The following ARID1B variants were observed in gnomAD, a reference collection of about 807,000 sequenced individuals.
The protein encoded by ARID1B is AT-rich interactive domain-containing protein 1B.
A neutral mutation model predicts 212.3 loss-of-function variants in ARID1B; 30 were observed. That is an observed-to-expected ratio of 0.14 (90% CI 0.11 to 0.19). The LOEUF is 0.19. Among genes scored for constraint, ARID1B ranks in the 10% least tolerant of loss-of-function variants. ARID1B has a pLI of 1.00. For missense variants in ARID1B, 2,891 were observed against 3,204.0 expected (o/e 0.90, Z 2.36); for synonymous variants, 1,402 against 1,301.7 (o/e 1.08, Z -1.66).
At chr6:156,815,796 ATCTT>A (rs1692766414) in intron 1 of ARID1B, among the ~76,000 whole-genome samples, 1 of 152,170 alleles carries the variant, frequency 6.6e-6, no homozygotes, top group African/African-American at 2.4e-5. Flanking sequence ...AGCTCTATCT[ATCTT>A]TATATTAGTG....
intron 7 of ARID1B, among the ~76,000 whole-genome samples, chr6:157,136,642 A>G (rs552492816): frequency 1.9e-3 from 288 of 152,306 alleles, no homozygotes; most frequent in African/African-American, 6.4e-3. Context: ...CGGGTGGATC[A>G]CTTGAGGTCA....
chr6:156,974,780 G>T (rs907259121), intron 4 of ARID1B, among the ~76,000 whole-genome samples: 2 of 152,184 alleles, frequency 1.3e-5, no homozygotes, highest in African/African-American at 4.8e-5. Context: ...TTACTTTCAA[G>T]TTCCATTACA....
At chr6:156,888,528 G>A (rs746788008) in intron 2 of ARID1B, among the ~76,000 whole-genome samples, 17 of 152,088 alleles carry the variant, frequency 1.1e-4, no homozygotes, top group Non-Finnish European at 1.9e-4. Flanking sequence ...TGACATTCAC[G>A]AATTCAAAAT....
chr6:157,148,969 A>C lies in ARID1B; in HGVS notation c.3089+18A>C. 1 of 1,601,600 alleles carries C rather than the reference A, an allele frequency of 6.2e-7. No individual in the cohort carries two copies. Among genetic ancestry groups the C allele is most frequent in the South Asian group, 1.1e-5 (1 of 90,302 alleles). On this transcript the variant is annotated intron_variant, in intron 8 of 19. Transcript: ENST00000636930. This position sits in a 1 kb window ranked among gnomAD's most constrained non-coding sequence, Gnocchi z 5.6. ...CAAAGCAGGTACGCCACCCAGGAGC[A>C]CGCCCCGGGCAGGTACGCTGTGTGT... is the stretch of plus-strand genomic sequence containing the variant.
chr6:156,788,846 T>C (rs1779827487), intron 1 of ARID1B, among the ~76,000 whole-genome samples: 1 of 152,178 alleles, frequency 6.6e-6, no homozygotes, highest in Non-Finnish European at 1.5e-5. Context: ...GGACAAAATG[T>C]AATTCTATTA....
intron 4 of ARID1B, chr6:156,941,813 T>A (rs1792695150): frequency 6.6e-6 from 1 of 152,174 alleles, no homozygotes; most frequent in South Asian, 2.1e-4. Flanking sequence ...ACAGGCTAAA[T>A]ATAATGGAAA....
chr6:156,977,799 A>C lies in ARID1B; in HGVS notation c.2247+42223A>C, dbSNP rs560195849. Reference sequence around the variant, plus strand: ...GGTATCTTTCTTTTTATTCCTATAAACATCCTTGAACTTTAGTCTGGGACC... The same window carrying C: ...GGTATCTTTCTTTTTATTCCTATAACCATCCTTGAACTTTAGTCTGGGACC... On this transcript the variant is annotated intron_variant, in intron 4 of 19. Coordinates refer to ENST00000636930, the MANE Select transcript of ARID1B (RefSeq NM_001374828.1). 2.6e-5 allele frequency among the ~76,000 whole-genome samples: 4 copies of C among 152,262 alleles called. No individual in the cohort carries two copies. In the South Asian group the frequency reaches 8.3e-4, roughly 32 times the overall value.
intron 4 of ARID1B, among the ~76,000 whole-genome samples, chr6:156,990,434 A>G (rs181176321): frequency 2.8e-4 from 42 of 152,154 alleles, no homozygotes; most frequent in Non-Finnish European, 4.6e-4. Flanking sequence ...CAAGGTCAGG[A>G]GATCAAGACC....
intron 3 of ARID1B, among the ~76,000 whole-genome samples, chr6:156,929,995 C>T (rs1287751212): frequency 6.6e-6 from 1 of 152,072 alleles, no homozygotes; most frequent in Non-Finnish European, 1.5e-5. Flanking sequence ...TGTAGTTTGA[C>T]ACCTGGAGTA....
chr6:157,086,040 T>G (rs73017146), intron 5 of ARID1B, among the ~76,000 whole-genome samples: 5,434 of 152,298 alleles, frequency 0.036, 194 homozygotes, highest in Non-Finnish European at 0.049. Flanking sequence ...TTTATGGAAA[T>G]GTATTATATT....
rs982703838 is a variant in ARID1B at position 156,778,158 on chromosome 6, G to A, written c.478G>A (p.Ala160Thr). The A allele has an allele frequency of 1.3e-6, 2 of 1,541,558 alleles. No homozygotes were observed. Among genetic ancestry groups the A allele is most frequent in the Non-Finnish European group, 8.7e-7 (1 of 1,146,604 alleles). The change falls in exon 1 of 20, where the codon GCC (alanine) becomes ACC (threonine). Residue 160 changes from alanine to threonine, a missense_variant. By Grantham distance (58) the Ala-to-Thr change is moderately conservative. Transcript: ENST00000636930. ...HKLKTVGEAP[A>T]APPHQQHHHH... The stretch of plus-strand genomic sequence containing the variant: ...ACTGAAAACCGTTGGCGAAGCCCCC[G>A]CCGCGCCGCCCCACCAGCAGCACCA...
Position 157,084,918 on chromosome 6 carries a change from C to G in ARID1B, c.2491+13C>G, listed in dbSNP as rs747995137. Reference sequence around the variant, plus strand: ...GCAAGTATCCCAGGTATTTACTTTCCTGACAATTATTATTTTACTTTGTGA... The same window carrying G: ...GCAAGTATCCCAGGTATTTACTTTCGTGACAATTATTATTTTACTTTGTGA... On this transcript the variant is annotated intron_variant, in intron 5 of 19. Transcript: ENST00000636930. 1 of 1,591,686 alleles carries G rather than the reference C, an allele frequency of 6.3e-7. No individual in the cohort carries two copies. Among genetic ancestry groups the G allele is most frequent in the African/African-American group, 1.4e-5 (1 of 73,886 alleles).
chr6:157,033,251 G>T (rs1562564431), intron 4 of ARID1B, among the ~76,000 whole-genome samples: 1 of 152,092 alleles, frequency 6.6e-6, no homozygotes, highest in Non-Finnish European at 1.5e-5. Flanking sequence ...TTATTACAAG[G>T]TTTAATCTTT....
intron 7 of ARID1B, among the ~76,000 whole-genome samples, chr6:157,139,630 C>G (rs1452212033): frequency 6.6e-6 from 1 of 151,930 alleles, no homozygotes; most frequent in East Asian, 1.9e-4. Context: ...ACCATAGAGA[C>G]TTGACTGTTC....
intron 7 of ARID1B, among the ~76,000 whole-genome samples, chr6:157,134,608 T>A (rs1788789928): frequency 6.6e-5 from 10 of 152,224 alleles, no homozygotes; most frequent in Admixed American, 6.5e-4. Context: ...AGTAATGGTC[T>A]GCTTGTTCCC....
intron 13 of ARID1B, 93 bp from the exon 14 acceptor site, chr6:157,189,549 T>G: frequency 7.4e-7 from 1 of 1,360,194 alleles, no homozygotes. Context: ...TTATTTACAT[T>G]TATGTCTTTC....
chr6:156,834,807 T>C (rs1339872223), intron 2 of ARID1B, among the ~76,000 whole-genome samples: 2 of 152,222 alleles, frequency 1.3e-5, no homozygotes, highest in African/African-American at 4.8e-5. Context: ...CAGTTGTTCT[T>C]CAGCAGTGAA....
chr6:156,839,928 G>A (rs780604424), intron 2 of ARID1B, among the ~76,000 whole-genome samples: 3 of 152,208 alleles, frequency 2.0e-5, no homozygotes, highest in Non-Finnish European at 4.4e-5. Context: ...TTTAAGTCAC[G>A]TGAATGCACG....
chr6:157,117,221 T>G (rs1392880741), intron 6 of ARID1B, among the ~76,000 whole-genome samples: 1 of 152,224 alleles, frequency 6.6e-6, no homozygotes, highest in Non-Finnish European at 1.5e-5. Context: ...ATTTCTATAC[T>G]TCAAAAGTCT....
Sources: gnomAD v4.1 joint callset for allele counts (sites outside exome capture counted in the v4.1 genomes callset) on GRCh38, gnomAD v4.1.1 for gene constraint, Gnocchi (gnomAD v3.1) non-coding constraint, MANE v1.5 for transcripts, NCBI Gene and HGNC (gene_info 2026-07-23, HGNC 2026-07-21) for gene names.